Variants in SWAP70 observed in about 807,000 individuals in gnomAD.
SWAP70 encodes the protein switching B cell complex subunit SWAP70, also known as switch-associated protein 70.
In SWAP70, 34 loss-of-function variants were observed where a neutral mutation model predicts 80.2. That is an observed-to-expected ratio of 0.42 (90% CI 0.32 to 0.56). The LOEUF is 0.56. Among genes scored for constraint, SWAP70 ranks in the 20% least tolerant of loss-of-function variants. SWAP70 has a pLI of 0.09. For synonymous variants in SWAP70, 239 were observed against 238.5 expected (o/e 1.00, Z -0.02); for missense variants, 578 against 690.7 (o/e 0.84, Z 1.83).
intron 3 of SWAP70, among the ~76,000 whole-genome samples, chr11:9,719,387 TA>T (rs1284351528): frequency 6.6e-6 from 1 of 151,930 alleles, no homozygotes; most frequent in African/African-American, 2.4e-5. Flanking sequence ...AAAAAAGATA[TA>T]ACCATGGCAG....
intron 2 of SWAP70, among the ~76,000 whole-genome samples, chr11:9,699,506 C>T (rs12291809): frequency 0.35 from 53,019 of 151,666 alleles, 9,584 homozygotes; most frequent in African/African-American, 0.42. Context: ...TATATACTTA[C>T]AATAAAACTA....
intron 6 of SWAP70, 90 bp downstream of exon 6, chr11:9,729,541 C>T (rs1851269261): frequency 7.1e-6 from 7 of 980,108 alleles, no homozygotes; most frequent in South Asian, 2.9e-5. Flanking sequence ...CTCTGTTGCC[C>T]GGGCTGTAGT....
In SWAP70 at chr11:9,664,132, A is replaced by C; in HGVS notation, c.-48A>C. ...AGGTTGAGGGGCGTCCGAGGCGCGG[A>C]GGGGCTGGCTGGGCAGGAGGGGTTG... On this transcript the variant is annotated 5_prime_UTR_variant, in exon 1 of 12. Transcript: ENST00000318950. 7.3e-6 allele frequency: 11 copies of C among 1,509,832 alleles called. No individual in the cohort carries two copies. The highest frequency in any genetic ancestry group is 9.8e-6 in the Non-Finnish European group (11 of 1,126,448). 93.5% of individuals were successfully genotyped at this position (1,509,832 alleles called of 1,614,324 possible). A position where few individuals can be genotyped will look rare whatever the true frequency, so the allele number is the denominator to read the frequency against.
rs745903789 is a variant in SWAP70, at chr11:9,749,995, G to A, written c.*25G>A. On this transcript the variant is annotated 3_prime_UTR_variant, in exon 12 of 12. Coordinates refer to ENST00000318950, the MANE Select transcript of SWAP70 (RefSeq NM_015055.4). The stretch of plus-strand genomic sequence containing the variant: ...ACTGAGCTTGCTGGCAGTCACGTCA[G>A]TTATGTAGATACTGCATGGCAGGAG... 3.4e-6 allele frequency: 5 copies of A among 1,481,966 alleles called. No individual in the cohort carries two copies. The highest frequency in any genetic ancestry group is 3.4e-5 in the Admixed American group (2 of 59,674). 91.8% of individuals were successfully genotyped at this position (1,481,966 alleles called of 1,614,324 possible). A position where few individuals can be genotyped will look rare whatever the true frequency, so the allele number is the denominator to read the frequency against.
Position 9,732,590 on chromosome 11 carries a change from C to G in SWAP70, c.960C>G (p.Arg320=), listed in dbSNP as rs778668480. The change falls in exon 7 of 12, where the codon CGC becomes CGG. Residue 320 remains arginine (R), a synonymous_variant. Transcript: ENST00000318950. ...LGSPPPHKEA[R]QRRKELRKKQ... is the part of the protein sequence containing the mutation. The stretch of plus-strand genomic sequence containing the variant: ...GCCCTCCACCACACAAAGAAGCCCG[C>G]CAGCGTCGGAAAGAACTCCGGAAGA... 12 of 1,603,338 alleles carry G rather than the reference C, an allele frequency of 7.5e-6. No homozygotes were observed. In the South Asian group the frequency reaches 1.3e-4, roughly 18 times the overall value.
At chr11:9,716,206 G>T (rs1851063893) in intron 3 of SWAP70, among the ~76,000 whole-genome samples, 1 of 152,182 alleles carries the variant, frequency 6.6e-6, no homozygotes, top group Non-Finnish European at 1.5e-5. Context: ...TTGAGGAAGA[G>T]AGTGATAGGT....
At chr11:9,720,656 C>G (rs956992411) in intron 3 of SWAP70, among the ~76,000 whole-genome samples, 2 of 152,092 alleles carry the variant, frequency 1.3e-5, no homozygotes, top group Non-Finnish European at 2.9e-5. Flanking sequence ...TCCCTGTACC[C>G]CAAGTTGTAA....
At chr11:9,732,204 A>C (rs907059909) in intron 6 of SWAP70, among the ~76,000 whole-genome samples, 1 of 152,212 alleles carries the variant, frequency 6.6e-6, no homozygotes, top group Non-Finnish European at 1.5e-5. Context: ...AAATGTGTGC[A>C]ATATTCCCAG....
intron 2 of SWAP70, 92 bp downstream of exon 2, chr11:9,694,378 A>C: frequency 7.4e-7 from 1 of 1,354,902 alleles, no homozygotes; most frequent in Non-Finnish European, 9.8e-7. Flanking sequence ...TTCACTAAGG[A>C]GTTGAGGTAC....
At chr11:9,730,708 C>T (rs1851286510) in intron 6 of SWAP70, among the ~76,000 whole-genome samples, 1 of 152,192 alleles carries the variant, frequency 6.6e-6, no homozygotes, top group South Asian at 2.1e-4. Flanking sequence ...AGATCCATTA[C>T]TTCCACAAGA....
intron 10 of SWAP70, among the ~76,000 whole-genome samples, chr11:9,748,770 T>TC (rs1590052235): frequency 4.6e-5 from 7 of 152,314 alleles, no homozygotes; most frequent in African/African-American, 1.2e-4. Flanking sequence ...GGCAGTAAAC[T>TC]GTAACTGGCA....
chr11:9,682,540 G>A (rs1226613015), intron 1 of SWAP70, among the ~76,000 whole-genome samples: 1 of 152,134 alleles, frequency 6.6e-6, no homozygotes, highest in Non-Finnish European at 1.5e-5. Flanking sequence ...TGAATCATTT[G>A]AATAGAGATG....
chr11:9,675,350 A>AGGGAGC (rs1565111673), intron 1 of SWAP70, among the ~76,000 whole-genome samples: 9 of 15,924 alleles, frequency 5.7e-4, no homozygotes, highest in African/African-American at 1.8e-3. Flanking sequence ...AGGGAGCGAG[A>AGGGAGC]GAGAGAGAGA....
intron 2 of SWAP70, among the ~76,000 whole-genome samples, chr11:9,709,706 C>G (rs185375326): frequency 6.6e-6 from 1 of 152,082 alleles, no homozygotes; most frequent in Non-Finnish European, 1.5e-5. Context: ...TCAGGCTGAT[C>G]TCAAACTCCT....
At chr11:9,673,765 G>A (rs964512167) in intron 1 of SWAP70, among the ~76,000 whole-genome samples, 2 of 152,166 alleles carry the variant, frequency 1.3e-5, no homozygotes, top group African/African-American at 4.8e-5. Flanking sequence ...AGATAGAAAG[G>A]TTGGGGGAGA....
intron 4 of SWAP70, 120 bp downstream of exon 4, chr11:9,725,005 A>G (rs1960386): frequency 0.33 from 258,273 of 781,150 alleles, 43,994 homozygotes; most frequent in Non-Finnish European, 0.35. Context: ...TCGTTTTTTT[A>G]TTTTTTGTTT....
chr11:9,704,202 A>G (rs533015801), intron 2 of SWAP70, among the ~76,000 whole-genome samples: 3 of 152,102 alleles, frequency 2.0e-5, no homozygotes, highest in East Asian at 1.9e-4. Flanking sequence ...GAGAGACCAT[A>G]TATATATTTA....
At chr11:9,713,742 T>C (rs1175609301) in intron 3 of SWAP70, 103 bp downstream of exon 3, 2 of 1,330,250 alleles carry the variant, frequency 1.5e-6, no homozygotes, top group Non-Finnish European at 2.1e-6. Flanking sequence ...AAGGAGATCC[T>C]TGGCTAGTGT....
intron 1 of SWAP70, among the ~76,000 whole-genome samples, chr11:9,671,068 T>C (rs1850370834): frequency 7.0e-6 from 1 of 143,664 alleles, no homozygotes; most frequent in South Asian, 2.1e-4. Context: ...TTGTTTTTTA[T>C]ATATACAAAT....
Sources: allele counts gnomAD v4.1 joint callset (sites outside exome capture counted in the v4.1 genomes callset), GRCh38; gene constraint gnomAD v4.1.1; transcripts MANE v1.5; gene names NCBI Gene and HGNC (gene_info 2026-07-23, HGNC 2026-07-21).